The following SLC1A4 variants were observed in gnomAD, a reference collection of about 807,000 sequenced individuals.
The protein encoded by SLC1A4 is solute carrier family 1 member 4.
In SLC1A4, 19 loss-of-function variants were observed where a neutral mutation model predicts 37.7. That is an observed-to-expected ratio of 0.50 (90% CI 0.35 to 0.74). The LOEUF is 0.74. Ranked by LOEUF, SLC1A4 falls within the 30% of genes least tolerant of loss-of-function variation. SLC1A4 has a pLI of 0.01. For synonymous variants in SLC1A4, 299 were observed against 309.8 expected (o/e 0.97, Z 0.37); for missense variants, 570 against 712.9 (o/e 0.80, Z 2.28).
Position 65,001,421 on chromosome 2 carries a change from C to G in SLC1A4, c.528-27C>G, listed in dbSNP as rs757381015. 10 of 1,611,350 alleles carry G rather than the reference C, an allele frequency of 6.2e-6. No homozygotes were observed. In the Admixed American group the frequency reaches 1.7e-4, roughly 27 times the overall value. On this transcript the variant is annotated intron_variant, in intron 1 of 7. Transcript: ENST00000234256. ...TCTAAAAAATTGTTTTAAAAGAATA[C>G]TGACAGAATGCTTTCTTTTCCAACA... is the stretch of plus-strand genomic sequence containing the variant.
intron 1 of SLC1A4, among the ~76,000 whole-genome samples, chr2:64,996,041 T>C (rs779247170): frequency 5.9e-5 from 9 of 152,236 alleles, no homozygotes; most frequent in Non-Finnish European, 1.0e-4. Flanking sequence ...AAGAGTCTTA[T>C]AGCGCTGGAA....
chr2:64,993,865 A>C (rs2103632520), intron 1 of SLC1A4, among the ~76,000 whole-genome samples: 1 of 152,308 alleles, frequency 6.6e-6, no homozygotes, highest in South Asian at 2.1e-4. Flanking sequence ...TCTGGGTTCT[A>C]AAGCTGTTAG....
Position 65,005,095 on chromosome 2 carries a change from A to G in SLC1A4, c.633+1080A>G, listed in dbSNP as rs116766498. Among the ~76,000 whole-genome samples, 1,501 of 152,360 alleles carry G rather than the reference A, an allele frequency of 9.9e-3. 12 individuals are homozygous for G. The highest frequency in any genetic ancestry group is 0.014 in the Non-Finnish European group (966 of 68,040). ...GGAAAATCCAGTGAATACTAAAACTATGCAGAAAAAATATTTATGGGTAAA... is the reference window on the plus strand; with the variant it reads ...GGAAAATCCAGTGAATACTAAAACTGTGCAGAAAAAATATTTATGGGTAAA... On this transcript the variant is annotated intron_variant, in intron 3 of 7. Transcript: ENST00000234256.
In SLC1A4 at chr2:65,022,576, G is replaced by A. The variant is rs1674471319; in HGVS notation, c.*1430G>A. 6.6e-6 allele frequency: 1 copy of A among 152,234 alleles called. No homozygotes were observed. The highest frequency in any genetic ancestry group is 1.5e-5 in the Non-Finnish European group (1 of 68,048). 9.4% of individuals were successfully genotyped at this position (152,234 alleles called of 1,614,324 possible). On this transcript the variant is annotated 3_prime_UTR_variant, in exon 8 of 8. Coordinates refer to ENST00000234256, the MANE Select transcript of SLC1A4 (RefSeq NM_003038.5). ...TATGTAAGGGACAGCTTTCTCCACA[G>A]AGTCCTTTCTGCTGGTGAGGACAGC...
At chr2:64,993,411 TTC>T (rs1558512660) in intron 1 of SLC1A4, among the ~76,000 whole-genome samples, 1 of 152,238 alleles carries the variant, frequency 6.6e-6, no homozygotes, top group African/African-American at 2.4e-5. Context: ...GTGGTTTGAT[TTC>T]CCAGCACACA....
At chr2:65,019,760 C>A (rs1674332647) in intron 7 of SLC1A4, among the ~76,000 whole-genome samples, 1 of 152,222 alleles carries the variant, frequency 6.6e-6, no homozygotes, top group Admixed American at 6.5e-5. Context: ...CTGACAGAGG[C>A]CCCCTCTCCT....
rs766093040 is a variant in SLC1A4 at position 65,021,391 on chromosome 2, A to T, written c.*245A>T. On this transcript the variant is annotated 3_prime_UTR_variant, in exon 8 of 8. Transcript: ENST00000234256. Reference sequence around the variant, plus strand: ...CATGTCCAGGTGCAACTGTGTGTACACCAGGGATCTGTTTGGAAACAACCC... The same window carrying T: ...CATGTCCAGGTGCAACTGTGTGTACTCCAGGGATCTGTTTGGAAACAACCC... 3.8e-6 allele frequency: 2 copies of T among 525,490 alleles called. No individual in the cohort carries two copies. The highest frequency in any genetic ancestry group is 6.8e-6 in the Non-Finnish European group (2 of 293,844). The allele number at this position is 525,490 out of a possible 1,614,324, so 32.6% of individuals were successfully genotyped here. A position where few individuals can be genotyped will look rare whatever the true frequency, so the allele number is the denominator to read the frequency against.
At chr2:64,998,654 T>C (rs76865961) in intron 1 of SLC1A4, among the ~76,000 whole-genome samples, 5,706 of 152,170 alleles carry the variant, frequency 0.037, 157 homozygotes, top group South Asian at 0.08. Context: ...GTGTAGAAGT[T>C]CTGGGTTAAG....
chr2:65,016,820 CTTCT>C (rs1373766181), intron 5 of SLC1A4, 147 bp downstream of exon 5: 3 of 636,430 alleles, frequency 4.7e-6, no homozygotes, highest in African/African-American at 3.7e-5. Context: ...TTTGTTTTTT[CTTCT>C]TTAAGAGACA....
intron 3 of SLC1A4, among the ~76,000 whole-genome samples, chr2:65,009,010 T>C (rs1673796511): frequency 6.6e-6 from 1 of 152,132 alleles, no homozygotes; most frequent in African/African-American, 2.4e-5. Context: ...ATAAGTGATA[T>C]CTATCAACAT....
At chr2:65,020,023 A>C (rs1674347709) in intron 7 of SLC1A4, among the ~76,000 whole-genome samples, 1 of 152,254 alleles carries the variant, frequency 6.6e-6, no homozygotes, top group Non-Finnish European at 1.5e-5. Context: ...TCTGAGCTCC[A>C]GGGACAGGGG....
intron 3 of SLC1A4, among the ~76,000 whole-genome samples, chr2:65,008,623 A>T (rs772509603): frequency 8.5e-5 from 13 of 152,184 alleles, no homozygotes; most frequent in Non-Finnish European, 1.3e-4. Flanking sequence ...CCTGGATGAC[A>T]GGGTATAACC....
In SLC1A4 at chr2:65,018,016, G is replaced by A. The variant is rs1674226827; in HGVS notation, c.1035-55G>A. ...TTCTGGGGTCTGAGACAAGACACATGTTAGCCTGCCTCGGACTGTTGTCAT... is the reference window on the plus strand; with the variant it reads ...TTCTGGGGTCTGAGACAAGACACATATTAGCCTGCCTCGGACTGTTGTCAT... On this transcript the variant is annotated intron_variant, in intron 5 of 7. Transcript: ENST00000234256. The surrounding 1 kb of genome is among the most constrained non-coding windows in gnomAD (Gnocchi z 4.3). 13 of 1,521,684 alleles carry A rather than the reference G, an allele frequency of 8.5e-6. No homozygotes were observed. In the South Asian group the frequency reaches 1.3e-4, roughly 15 times the overall value. 94.3% of individuals were successfully genotyped at this position (1,521,684 alleles called of 1,614,324 possible). A position where few individuals can be genotyped will look rare whatever the true frequency, so the allele number is the denominator to read the frequency against.
In SLC1A4 at chr2:65,020,917, G is replaced by C. The variant is rs767412828; in HGVS notation, c.1370G>C (p.Arg457Pro). 1 of 1,612,144 alleles carries C rather than the reference G, an allele frequency of 6.2e-7. No individual in the cohort carries two copies. Among genetic ancestry groups the C allele is most frequent in the Non-Finnish European group, 8.5e-7 (1 of 1,178,354 alleles). ...LILAVDWIVD[R>P]TTTVVNVEGD... ...GCCTCTTCTTTTCCCACCAGGGACC[G>C]GACCACCACGGTGGTGAATGTGGAA... Residue 457 changes from arginine (R) to proline (P), a missense_variant, in exon 8 of 8, where the codon CGG (arginine) becomes CCG (proline). Transcript: ENST00000234256.
chr2:65,014,002 G>A (rs988713849), intron 4 of SLC1A4, among the ~76,000 whole-genome samples: 4 of 152,092 alleles, frequency 2.6e-5, no homozygotes, highest in Non-Finnish European at 5.9e-5. Flanking sequence ...CTAACTCCTG[G>A]ATTAAACTGA....
chr2:65,014,509 AGC>A (rs922507773), intron 4 of SLC1A4, among the ~76,000 whole-genome samples: 3 of 152,180 alleles, frequency 2.0e-5, no homozygotes, highest in Non-Finnish European at 4.4e-5. Context: ...TAGGATGTTT[AGC>A]ACCATCCTGG....
At position 65,010,503 on chromosome 2, in the gene SLC1A4, TAC is replaced by T. The variant is rs1169684292; in HGVS notation, c.634-92_634-91del. 5.7e-5 allele frequency: 58 copies of T among 1,026,412 alleles called. 2 individuals are homozygous for T. In the South Asian group the frequency reaches 9.0e-4, roughly 16 times the overall value. 63.6% of individuals were successfully genotyped at this position (1,026,412 alleles called of 1,614,324 possible). ...AATATGAGCTTTTTCTCGTTCTGGGTACAGTGTTTCAGTCTGGTGGGGACACC... is the reference window on the plus strand; with the variant it reads ...AATATGAGCTTTTTCTCGTTCTGGGTAGTGTTTCAGTCTGGTGGGGACACC... On this transcript the variant is annotated intron_variant, in intron 3 of 7. Coordinates refer to ENST00000234256, the MANE Select transcript of SLC1A4 (RefSeq NM_003038.5).
At position 64,989,560 on chromosome 2, in the gene SLC1A4, C is replaced by T; in HGVS notation, c.-84C>T. 7 of 1,271,890 alleles carry T rather than the reference C, an allele frequency of 5.5e-6. No individual in the cohort carries two copies. The highest frequency in any genetic ancestry group is 7.1e-6 in the Non-Finnish European group (7 of 981,674). 78.8% of individuals were successfully genotyped at this position (1,271,890 alleles called of 1,614,324 possible). ...CCAGAACCTGCGGAGCACAACTGGC[C>T]GACCGACCCATTCATTGGGAACCCC... is the stretch of plus-strand genomic sequence containing the variant. On this transcript the variant is annotated 5_prime_UTR_variant, in exon 1 of 8. Transcript: ENST00000234256.
At chr2:64,998,169 G>A (rs1186431004) in intron 1 of SLC1A4, among the ~76,000 whole-genome samples, 10 of 152,188 alleles carry the variant, frequency 6.6e-5, no homozygotes, top group South Asian at 2.1e-4. Context: ...CCTCGGAGGC[G>A]GAGCTTTCAG....
Sources: gnomAD v4.1 joint callset for allele counts (sites outside exome capture counted in the v4.1 genomes callset) on GRCh38, gnomAD v4.1.1 for gene constraint, Gnocchi (gnomAD v3.1) non-coding constraint, MANE v1.5 for transcripts, NCBI Gene and HGNC (gene_info 2026-07-23, HGNC 2026-07-21) for gene names.